CADM2: variants seen among roughly 807,000 people sequenced by gnomAD.
CADM2 encodes the protein immunoglobulin superfamily member 4D.
A neutral mutation model predicts 49.8 loss-of-function variants in CADM2; 12 were observed. The ratio of observed to expected loss-of-function variants is 0.24; its 90% CI spans 0.15 to 0.39. CADM2 has a LOEUF of 0.39. Ranked by LOEUF, CADM2 falls within the 10% of genes least tolerant of loss-of-function variation. The pLI is 1.00. For synonymous variants in CADM2, 214 were observed against 175.4 expected (o/e 1.22, Z -1.74); for missense variants, 378 against 492.3 (o/e 0.77, Z 2.20).
At chr3:85,867,612 C>G (rs1177721694) in intron 3 of CADM2, among the ~76,000 whole-genome samples, 3 of 151,962 alleles carry the variant, frequency 2.0e-5, no homozygotes, top group Non-Finnish European at 2.9e-5. Context: ...ATATCTACAT[C>G]TGTGTAATAT....
At chr3:85,307,766 A>G (rs527788291) in intron 1 of CADM2, among the ~76,000 whole-genome samples, 145 of 151,846 alleles carry the variant, frequency 9.5e-4, no homozygotes, top group African/African-American at 3.2e-3. Flanking sequence ...GGAAAAGTCA[A>G]TGTTCAAAAA....
At chr3:85,593,731 A>G (rs1375565) in intron 1 of CADM2, among the ~76,000 whole-genome samples, 77,945 of 151,846 alleles carry the variant, frequency 0.51, 23,027 homozygotes, top group East Asian at 0.85. Flanking sequence ...TTCCAACATG[A>G]TAAGGCTTTG....
At chr3:85,790,681 C>T (rs571172501) in intron 2 of CADM2, among the ~76,000 whole-genome samples, 12 of 152,266 alleles carry the variant, frequency 7.9e-5, no homozygotes, top group African/African-American at 2.4e-4. Context: ...ATTCGGTCTA[C>T]GGGATTGTAA....
intron 2 of CADM2, among the ~76,000 whole-genome samples, chr3:85,784,292 G>T (rs2070835940): frequency 6.6e-6 from 1 of 152,106 alleles, no homozygotes; most frequent in South Asian, 2.1e-4. Context: ...GTCACTGGAA[G>T]AAAATATGGA....
At chr3:85,812,953 T>C (rs1241140618) in intron 3 of CADM2, among the ~76,000 whole-genome samples, 1 of 152,226 alleles carries the variant, frequency 6.6e-6, no homozygotes, top group Admixed American at 6.5e-5. Context: ...CTATCATTGA[T>C]GGACATTCGG....
chr3:85,836,299 A>G (rs1417841814), intron 3 of CADM2, among the ~76,000 whole-genome samples: 2 of 151,654 alleles, frequency 1.3e-5, no homozygotes, highest in Non-Finnish European at 3.0e-5. Flanking sequence ...AAAAATGACC[A>G]TTTGCTACTG....
At chr3:85,656,822 A>C (rs1681718793) in intron 1 of CADM2, among the ~76,000 whole-genome samples, 1 of 152,170 alleles carries the variant, frequency 6.6e-6, no homozygotes, top group South Asian at 2.1e-4. Context: ...CTCATGAGTC[A>C]GATCAAGGAT....
At chr3:85,392,386 T>A (rs1425716722) in intron 1 of CADM2, among the ~76,000 whole-genome samples, 2 of 152,088 alleles carry the variant, frequency 1.3e-5, no homozygotes, top group African/African-American at 4.8e-5. Context: ...ATTATTATAA[T>A]TATTATTGAT....
intron 1 of CADM2, among the ~76,000 whole-genome samples, chr3:85,244,220 C>T (rs947371622): frequency 2.6e-5 from 4 of 152,026 alleles, no homozygotes; most frequent in African/African-American, 9.7e-5. Context: ...TCTAGTTTAT[C>T]ATAACAAATA....
At chr3:85,732,041 A>C (rs1195067234) in intron 2 of CADM2, among the ~76,000 whole-genome samples, 1 of 149,574 alleles carries the variant, frequency 6.7e-6, no homozygotes, top group Non-Finnish European at 1.5e-5. Context: ...TGAGGTCATG[A>C]GATCAAGACC....
chr3:85,385,955 A>G (rs1334739188), intron 1 of CADM2, among the ~76,000 whole-genome samples: 2 of 152,182 alleles, frequency 1.3e-5, no homozygotes, highest in Admixed American at 6.6e-5. Context: ...TTTTAAGAAT[A>G]AATGAAGACA....
chr3:85,716,406 C>A (rs1372658964), intron 1 of CADM2, among the ~76,000 whole-genome samples: 1 of 152,008 alleles, frequency 6.6e-6, no homozygotes, highest in South Asian at 2.1e-4. Flanking sequence ...AGATATTAGA[C>A]CTTTGTCAGA....
chr3:85,730,308 G>T (rs1046880754), intron 2 of CADM2, among the ~76,000 whole-genome samples: 1 of 152,072 alleles, frequency 6.6e-6, no homozygotes, highest in African/African-American at 2.4e-5. Context: ...CAGGTGTGGT[G>T]ATGGTCCCCT....
At position 84,959,012 on chromosome 3, in the gene CADM2, G is replaced by A; in HGVS notation, c.-596G>A. 1 of 200,860 alleles carries A rather than the reference G, an allele frequency of 5.0e-6. No homozygotes were observed. The highest frequency in any genetic ancestry group is 9.9e-6 in the Non-Finnish European group (1 of 100,886). 12.4% of individuals were successfully genotyped at this position (200,860 alleles called of 1,614,324 possible). A position where few individuals can be genotyped will look rare whatever the true frequency, so the allele number is the denominator to read the frequency against. ...TCGTAGAGCTGCCGCCGTCGCCGCT[G>A]CCGCTGCCGCCACAGCCGCCGCTGC... is the stretch of plus-strand genomic sequence containing the variant. On this transcript the variant is annotated 5_prime_UTR_variant, in exon 1 of 10. Transcript: ENST00000383699.
intron 1 of CADM2, among the ~76,000 whole-genome samples, chr3:85,640,021 C>A (rs2064659448): frequency 6.6e-6 from 1 of 152,154 alleles, no homozygotes; most frequent in African/African-American, 2.4e-5. Flanking sequence ...CACTTCAAAG[C>A]ATGTCTAAGG....
chr3:85,998,597 A>G (rs1292490509), intron 8 of CADM2, among the ~76,000 whole-genome samples: 6 of 152,144 alleles, frequency 3.9e-5, no homozygotes, highest in Non-Finnish European at 8.8e-5. Flanking sequence ...TATTCTATAG[A>G]TAGAAATAAG....
At chr3:86,043,629 T>C (rs964061976) in intron 8 of CADM2, among the ~76,000 whole-genome samples, 2 of 152,148 alleles carry the variant, frequency 1.3e-5, no homozygotes, top group Non-Finnish European at 2.9e-5. Context: ...AAAATGGCCA[T>C]ACTGTCCAAG....
chr3:85,299,330 A>G (rs2044038908), intron 1 of CADM2, among the ~76,000 whole-genome samples: 1 of 152,082 alleles, frequency 6.6e-6, no homozygotes, highest in Non-Finnish European at 1.5e-5. Context: ...TTCTAATTAC[A>G]TCATCAAGTA....
chr3:85,269,389 A>G (rs374826880), intron 1 of CADM2, among the ~76,000 whole-genome samples: 2 of 151,370 alleles, frequency 1.3e-5, no homozygotes, highest in South Asian at 2.1e-4. Context: ...AAAAATTTTC[A>G]GAAGGAATAT....
Sources: gnomAD v4.1 joint callset for allele counts (sites outside exome capture counted in the v4.1 genomes callset) on GRCh38, gnomAD v4.1.1 for gene constraint, MANE v1.5 for transcripts, NCBI Gene and HGNC (gene_info 2026-07-23, HGNC 2026-07-21) for gene names.